The following DMD variants were observed in gnomAD, a reference collection of about 807,000 sequenced individuals.
DMD encodes the protein mutant dystrophin.
In DMD, 63 loss-of-function variants were observed where a neutral mutation model predicts 330.1. That is an observed-to-expected ratio of 0.19 (90% CI 0.16 to 0.24). DMD has a LOEUF of 0.24. Among genes scored for constraint, DMD ranks in the 10% least tolerant of loss-of-function variants. DMD has a pLI of 1.00. For synonymous variants in DMD, 1,223 were observed against 959.8 expected (o/e 1.27, Z -5.07); for missense variants, 3,344 against 2,684.1 (o/e 1.25, Z -5.43).
At chrX:32,455,881 T>G (rs2098355694) in intron 25 of DMD, among the ~76,000 whole-genome samples, 1 of 111,211 alleles carries the variant, frequency 9.0e-6, no homozygotes, top group Admixed American at 9.6e-5. Context: ...TTTTGAAAAC[T>G]AAAACTTTCT....
At chrX:32,746,940 CAT>C (rs1457428853) in intron 7 of DMD, among the ~76,000 whole-genome samples, 1 of 111,856 alleles carries the variant, frequency 8.9e-6, no homozygotes, top group Non-Finnish European at 1.9e-5. Context: ...TTAGCTCTAA[CAT>C]ATGAAAACTT....
chrX:31,799,930 T>C (rs1056942125), intron 50 of DMD, among the ~76,000 whole-genome samples: 1 of 112,744 alleles, frequency 8.9e-6, no homozygotes, highest in African/African-American at 3.2e-5. Context: ...CTCCTTTGAC[T>C]ACATGTCTCA....
At chrX:32,604,470 C>T (rs552232435) in intron 12 of DMD, among the ~76,000 whole-genome samples, 4 of 108,854 alleles carry the variant, frequency 3.7e-5, no homozygotes, top group African/African-American at 1.0e-4. Flanking sequence ...GTTGAGAGCA[C>T]CCCCCTCCCC....
chrX:31,493,643 T>C (rs2069532161), intron 57 of DMD, among the ~76,000 whole-genome samples: 1 of 111,603 alleles, frequency 9.0e-6, no homozygotes, highest in Non-Finnish European at 1.9e-5. Flanking sequence ...TAGTGCCTTG[T>C]CACCCTTGTT....
At chrX:31,868,672 G>A (rs1265508371) in intron 48 of DMD, among the ~76,000 whole-genome samples, 1 of 111,366 alleles carries the variant, frequency 9.0e-6, no homozygotes, top group African/African-American at 3.3e-5. Flanking sequence ...TTACAACTGA[G>A]TAAGGAAGGT....
chrX:33,092,864 A>AT (rs773941224), intron 1 of DMD, among the ~76,000 whole-genome samples: 70 of 109,657 alleles, frequency 6.4e-4, no homozygotes, highest in Non-Finnish European at 1.0e-3. Context: ...TTTTTTATTT[A>AT]TTTATTTTAT....
intron 63 of DMD, among the ~76,000 whole-genome samples, chrX:31,238,856 C>A (rs2047981032): frequency 8.9e-6 from 1 of 111,781 alleles, no homozygotes; most frequent in Non-Finnish European, 1.9e-5. Context: ...GCACAAGGAC[C>A]ACAGGGAGGG....
intron 51 of DMD, among the ~76,000 whole-genome samples, chrX:31,741,699 G>A (rs1342671132): frequency 9.2e-6 from 1 of 109,017 alleles, no homozygotes; most frequent in Non-Finnish European, 1.9e-5. Flanking sequence ...ATAACCTGAA[G>A]GGCCCTAGGA....
At chrX:31,409,168 C>T (rs2061533604) in intron 60 of DMD, among the ~76,000 whole-genome samples, 1 of 111,677 alleles carries the variant, frequency 9.0e-6, no homozygotes, top group Non-Finnish European at 1.9e-5. Context: ...GCTCTTTGAA[C>T]ATTTGATCTT....
intron 60 of DMD, among the ~76,000 whole-genome samples, chrX:31,426,481 G>C (rs2063724203): frequency 8.9e-6 from 1 of 112,492 alleles, no homozygotes; most frequent in Non-Finnish European, 1.9e-5. Flanking sequence ...TGAAGTCTTA[G>C]CTTGGAGAGC....
intron 2 of DMD, among the ~76,000 whole-genome samples, chrX:33,014,437 C>T (rs2093760270): frequency 9.0e-6 from 1 of 111,630 alleles, no homozygotes; most frequent in African/African-American, 3.3e-5. Flanking sequence ...CTCTACCTGG[C>T]CCTTTGGAAT....
chrX:32,648,420 A>C (rs2059917495), intron 9 of DMD, among the ~76,000 whole-genome samples: 1 of 112,022 alleles, frequency 8.9e-6, no homozygotes, highest in South Asian at 3.6e-4. Context: ...ATGGTTCATA[A>C]AATCATGTTA....
At chrX:32,071,125 A>G (rs2096294084) in intron 44 of DMD, among the ~76,000 whole-genome samples, 1 of 111,066 alleles carries the variant, frequency 9.0e-6, no homozygotes, top group African/African-American at 3.3e-5. Context: ...CAATAAACAT[A>G]CATGTGCATG....
chrX:32,345,756 T>G (rs1210403996), intron 39 of DMD, among the ~76,000 whole-genome samples, 187 bp downstream of exon 39: 1 of 111,015 alleles, frequency 9.0e-6, no homozygotes, highest in East Asian at 2.8e-4. Flanking sequence ...AGCCATAACT[T>G]TTAAGCAACA....
intron 30 of DMD, among the ~76,000 whole-genome samples, chrX:32,396,020 T>A (rs746957591): frequency 1.6e-4 from 18 of 111,300 alleles, no homozygotes; most frequent in Non-Finnish European, 3.2e-4. Context: ...ATAGCGTAAG[T>A]GATCACTGCA....
chrX:31,675,365 T>C (rs763477231), intron 53 of DMD, among the ~76,000 whole-genome samples: 1 of 111,825 alleles, frequency 8.9e-6, no homozygotes, highest in African/African-American at 3.3e-5. Context: ...TTTATTCTCC[T>C]TATTTATGTA....
At chrX:32,453,098 A>C (rs5972575) in intron 26 of DMD, among the ~76,000 whole-genome samples, 3,167 of 110,982 alleles carry the variant, frequency 0.029, 51 homozygotes, top group Non-Finnish European at 0.048. Flanking sequence ...CTGCCTGAAC[A>C]TTATTCATTC....
chrX:31,600,739 G>C (rs1181664676), intron 55 of DMD, among the ~76,000 whole-genome samples: 2 of 108,115 alleles, frequency 1.8e-5, no homozygotes, highest in South Asian at 8.2e-4. Context: ...GTATCATTTC[G>C]AGGCAAATTC....
intron 1 of DMD, among the ~76,000 whole-genome samples, chrX:33,040,692 G>A (rs981322807): frequency 9.0e-6 from 1 of 110,750 alleles, no homozygotes; most frequent in East Asian, 2.8e-4. Context: ...CATACTAGCA[G>A]TATGACAGAA....
Sources: allele counts gnomAD v4.1 joint callset (sites outside exome capture counted in the v4.1 genomes callset), GRCh38; gene constraint gnomAD v4.1.1; transcripts MANE v1.5; gene names NCBI Gene and HGNC (gene_info 2026-07-23, HGNC 2026-07-21).